The following PTPRN2 variants were observed in gnomAD, a reference collection of about 807,000 sequenced individuals.
PTPRN2 encodes the protein protein tyrosine phosphatase receptor type N2, also known as receptor-type tyrosine-protein phosphatase N2.
In PTPRN2, 74 loss-of-function variants were observed where a neutral mutation model predicts 118.8. That is an observed-to-expected ratio of 0.62 (90% CI 0.52 to 0.76). PTPRN2 has a LOEUF of 0.76. PTPRN2 is among the 30% of genes least tolerant of loss of function. PTPRN2 has a pLI of 0.00. For synonymous variants in PTPRN2, 641 were observed against 608.0 expected (o/e 1.05, Z -0.80); for missense variants, 1,481 against 1,394.4 (o/e 1.06, Z -0.99).
At position 158,247,082 on chromosome 7, in the gene PTPRN2, C is replaced by G. The variant is rs74887786; in HGVS notation, c.278-41809G>C. On this transcript the variant is annotated intron_variant, in intron 3 of 22. Coordinates refer to ENST00000389418, the MANE Select transcript of PTPRN2 (RefSeq NM_002847.5). ...GGTTAGGCAGCCTGAGAAACCATCCCTGGCACGGGCTGCCTCAAGGAATGA... is the reference window on the plus strand; with the variant it reads ...GGTTAGGCAGCCTGAGAAACCATCCGTGGCACGGGCTGCCTCAAGGAATGA... Among the ~76,000 whole-genome samples, 406 of 152,316 alleles carry G rather than the reference C, an allele frequency of 2.7e-3. 14 individuals carry two copies. In the East Asian group the frequency reaches 0.07, roughly 26 times the overall value.
chr7:158,257,272 C>T (rs1259201751), intron 3 of PTPRN2, among the ~76,000 whole-genome samples: 2 of 152,166 alleles, frequency 1.3e-5, no homozygotes, highest in African/African-American at 2.4e-5. Context: ...CAGGTTTGAT[C>T]ACAGAAACCT....
chr7:158,251,272 G>A (rs1370950018), intron 3 of PTPRN2, among the ~76,000 whole-genome samples: 1 of 152,216 alleles, frequency 6.6e-6, no homozygotes, highest in African/African-American at 2.4e-5. Flanking sequence ...CCTCATTGGT[G>A]AGCCGAGGAG....
At chr7:158,467,143 T>C (rs1169846906) in intron 2 of PTPRN2, among the ~76,000 whole-genome samples, 1 of 152,200 alleles carries the variant, frequency 6.6e-6, no homozygotes, top group Non-Finnish European at 1.5e-5. Flanking sequence ...GGGGCTCTGA[T>C]GTGCGTTTCC....
chr7:158,173,177 C>A (rs1823869518), intron 5 of PTPRN2, among the ~76,000 whole-genome samples: 4 of 151,812 alleles, frequency 2.6e-5, no homozygotes, highest in Non-Finnish European at 5.9e-5. Flanking sequence ...CCATCATCAC[C>A]CTCACCATCA....
In PTPRN2 at chr7:158,093,424, C is replaced by T. The variant is rs1467553499; in HGVS notation, c.1644-12047G>A. 6.6e-6 allele frequency among the ~76,000 whole-genome samples: 1 copy of T among 152,218 alleles called. No homozygotes were observed. The highest frequency in any genetic ancestry group is 1.5e-5 in the Non-Finnish European group (1 of 68,046). The stretch of plus-strand genomic sequence containing the variant: ...CTGACTCTGTCGCTGGACCGACCCC[C>T]ACACTGTTTGTGCTTTTACTCCCTG... On this transcript the variant is annotated intron_variant, in intron 10 of 22. Coordinates refer to ENST00000389418, the MANE Select transcript of PTPRN2 (RefSeq NM_002847.5). The surrounding 1 kb of genome is among the most constrained non-coding windows in gnomAD (Gnocchi z 4.4).
intron 11 of PTPRN2, among the ~76,000 whole-genome samples, chr7:157,972,440 G>A (rs1802399372): frequency 6.6e-6 from 1 of 152,220 alleles, no homozygotes; most frequent in Admixed American, 6.5e-5. Flanking sequence ...CAAGAGAAGG[G>A]GGTCCAGGCC....
chr7:157,832,289 C>T (rs1456756507), intron 12 of PTPRN2, among the ~76,000 whole-genome samples: 1 of 152,204 alleles, frequency 6.6e-6, no homozygotes, highest in Non-Finnish European at 1.5e-5. Flanking sequence ...CTGCATTCTG[C>T]AAATTACCGT....
chr7:158,048,571 A>G (rs1477289258), intron 11 of PTPRN2, among the ~76,000 whole-genome samples: 1 of 112,484 alleles, frequency 8.9e-6, no homozygotes, highest in Non-Finnish European at 2.3e-5. Flanking sequence ...CATCACTATC[A>G]TCATCATCAC....
intron 10 of PTPRN2, among the ~76,000 whole-genome samples, chr7:158,102,960 C>T (rs113696089): frequency 6.6e-6 from 1 of 152,202 alleles, no homozygotes; most frequent in East Asian, 1.9e-4. Context: ...GAGTCCTAGA[C>T]AGGGAGCCTG....
intron 2 of PTPRN2, among the ~76,000 whole-genome samples, chr7:158,414,028 A>C (rs1400507836): frequency 2.8e-5 from 4 of 141,738 alleles, no homozygotes; most frequent in Non-Finnish European, 6.0e-5. Flanking sequence ...TGATCGTGCC[A>C]CTGCACTTCA....
intron 10 of PTPRN2, among the ~76,000 whole-genome samples, chr7:158,082,042 C>G (rs1274222264): frequency 2.6e-5 from 4 of 152,222 alleles, no homozygotes; most frequent in African/African-American, 9.7e-5. Context: ...TTCCCAAAGA[C>G]AGACAGACTG....
intron 2 of PTPRN2, among the ~76,000 whole-genome samples, chr7:158,318,968 G>A (rs1802579474): frequency 1.3e-5 from 2 of 152,156 alleles, no homozygotes; most frequent in Admixed American, 6.5e-5. Context: ...AAAGAAAAAT[G>A]GCCCAGGACA....
intron 10 of PTPRN2, among the ~76,000 whole-genome samples, chr7:158,100,887 T>C (rs796174280): frequency 1.3e-5 from 2 of 152,186 alleles, no homozygotes; most frequent in Non-Finnish European, 2.9e-5. Flanking sequence ...CGCAAACAAA[T>C]GGAAACACAT....
At position 158,003,190 on chromosome 7, in the gene PTPRN2, G is replaced by A. The variant is rs1585182513; in HGVS notation, c.1723+78108C>T. Among the ~76,000 whole-genome samples, 3 of 152,068 alleles carry A rather than the reference G, an allele frequency of 2.0e-5. No homozygotes were observed. The highest frequency in any genetic ancestry group is 2.1e-4 in the South Asian group (1 of 4,794). On this transcript the variant is annotated intron_variant, in intron 11 of 22. Transcript: ENST00000389418. The surrounding 1 kb of genome is among the most constrained non-coding windows in gnomAD (Gnocchi z 5.0). ...AGCACTTTGGGAGGCCGAGACGGGC[G>A]GATCACGAGGTCAGGAGATCGAGAC...
intron 12 of PTPRN2, among the ~76,000 whole-genome samples, chr7:157,858,017 C>T (rs1344088207): frequency 6.6e-6 from 1 of 152,080 alleles, no homozygotes; most frequent in Non-Finnish European, 1.5e-5. Context: ...AAAAGAAACA[C>T]GGCCTTTGCT....
chr7:158,415,732 C>A (rs962440767), intron 2 of PTPRN2, among the ~76,000 whole-genome samples: 1 of 152,178 alleles, frequency 6.6e-6, no homozygotes, highest in African/African-American at 2.4e-5. Context: ...ATGAAGTATG[C>A]AGGCCACCCA....
intron 11 of PTPRN2, 55 bp downstream of exon 11, chr7:158,081,243 T>TGTGTGCACACAC (rs1563406598): frequency 6.9e-7 from 1 of 1,448,246 alleles, no homozygotes; most frequent in Admixed American, 1.7e-5. Context: ...TTTGCGTGCG[T>TGTGTGCACACAC]GTGTGTGTGC....
At position 157,780,196 on chromosome 7, in the gene PTPRN2, C is replaced by T. The variant is rs1803589956; in HGVS notation, c.1789-97259G>A. Among the ~76,000 whole-genome samples, 1 of 152,168 alleles carries T rather than the reference C, an allele frequency of 6.6e-6. No homozygotes were observed. The highest frequency in any genetic ancestry group is 6.5e-5 in the Admixed American group (1 of 15,280). ...AAGAATTAGCCTCTGGGCCGTGTGT[C>T]CTCCTGGTCTACCTCCAGCACAAGG... On this transcript the variant is annotated intron_variant, in intron 12 of 22. Transcript: ENST00000389418. This position sits in a 1 kb window ranked among gnomAD's most constrained non-coding sequence, Gnocchi z 4.5.
chr7:157,929,811 G>A lies in PTPRN2; in HGVS notation c.1724-31074C>T, dbSNP rs554122078. Among the ~76,000 whole-genome samples the A allele has an allele frequency of 6.6e-6, 1 of 152,270 alleles. No individual in the cohort carries two copies. The highest frequency in any genetic ancestry group is 2.4e-5 in the African/African-American group (1 of 41,552). The stretch of plus-strand genomic sequence containing the variant: ...GCCCTGTAATGCAGAACCTTTCCCA[G>A]TGCCCACTGGTGGTGTTCCCGGGAC... On this transcript the variant is annotated intron_variant, in intron 11 of 22. Transcript: ENST00000389418. The surrounding 1 kb of genome is among the most constrained non-coding windows in gnomAD (Gnocchi z 4.4).
Sources: gnomAD v4.1 joint callset for allele counts (sites outside exome capture counted in the v4.1 genomes callset) on GRCh38, gnomAD v4.1.1 for gene constraint, Gnocchi (gnomAD v3.1) non-coding constraint, MANE v1.5 for transcripts, NCBI Gene and HGNC (gene_info 2026-07-23, HGNC 2026-07-21) for gene names.